The following MCTP1 variants were observed in gnomAD, a reference collection of about 807,000 sequenced individuals.
The protein encoded by MCTP1 is multiple C2 and transmembrane domain containing 1, also known as multiple C2 and transmembrane domain-containing protein 1.
MCTP1 carries 69 observed loss-of-function variants against 120.6 expected under a neutral mutation model. That is an observed-to-expected ratio of 0.57 (90% CI 0.47 to 0.70). The LOEUF is 0.70. Among genes scored for constraint, MCTP1 ranks in the 30% least tolerant of loss-of-function variants. The pLI is 0.00. For missense variants in MCTP1, 1,203 were observed against 1,248.8 expected (o/e 0.96, Z 0.55); for synonymous variants, 529 against 493.1 (o/e 1.07, Z -0.96).
chr5:94,826,396 A>C, intron 17 of MCTP1: 1 of 624,134 alleles, frequency 1.6e-6, no homozygotes, highest in Non-Finnish European at 3.0e-6. Flanking sequence ...CTTTTGGCTC[A>C]CACCATTGAT....
In MCTP1 at chr5:94,794,894, C is replaced by T. The variant is rs546549813; in HGVS notation, c.2556+4119G>A. On this transcript the variant is annotated intron_variant, in intron 18 of 22. Transcript: ENST00000515393. ...TAGTGCTACTGGCTTTTCTGTAATT[C>T]GTGGGAGAAACTTGCTGTAACAGTG... is the stretch of plus-strand genomic sequence containing the variant. Among the ~76,000 whole-genome samples, 47 of 152,174 alleles carry T rather than the reference C, an allele frequency of 3.1e-4. No individual in the cohort carries two copies. The South Asian group carries it at 4.8e-3, about 15-fold the overall frequency.
intron 19 of MCTP1, among the ~76,000 whole-genome samples, chr5:94,733,729 G>T (rs1005284555): frequency 6.6e-6 from 1 of 152,148 alleles, no homozygotes; most frequent in African/African-American, 2.4e-5. Context: ...ACTTTGGGAG[G>T]ACAAGGCAGG....
chr5:95,284,605 CT>C lies in MCTP1; in HGVS notation c.-31del. 1 of 1,324,692 alleles carries C rather than the reference CT, an allele frequency of 7.5e-7. No homozygotes were observed. The highest frequency in any genetic ancestry group is 9.8e-7 in the Non-Finnish European group (1 of 1,025,356). 82.1% of individuals were successfully genotyped at this position (1,324,692 alleles called of 1,614,324 possible). A position where few individuals can be genotyped will look rare whatever the true frequency, so the allele number is the denominator to read the frequency against. ...CACCCCCTGCTCCTCCTCTCCCCTC[CT>C]CCTCCTCCTCCTCCTCCTGCTTCTC... On this transcript the variant is annotated 5_prime_UTR_variant, in exon 1 of 23. Coordinates refer to ENST00000515393, the MANE Select transcript of MCTP1 (RefSeq NM_024717.7). The surrounding 1 kb of genome is among the most constrained non-coding windows in gnomAD (Gnocchi z 5.2).
chr5:95,055,471 T>TA (rs1198355070), intron 1 of MCTP1, among the ~76,000 whole-genome samples: 3 of 152,184 alleles, frequency 2.0e-5, no homozygotes, highest in Non-Finnish European at 4.4e-5. Flanking sequence ...TCTAAGCATT[T>TA]AAAAAATATT....
At chr5:94,903,158 A>G (rs1805954039) in intron 10 of MCTP1, among the ~76,000 whole-genome samples, 1 of 151,948 alleles carries the variant, frequency 6.6e-6, no homozygotes. Flanking sequence ...GTAAAAAAAA[A>G]TAGTAAAATA....
intron 1 of MCTP1, among the ~76,000 whole-genome samples, chr5:95,175,443 T>C (rs955202894): frequency 2.0e-5 from 3 of 152,204 alleles, no homozygotes; most frequent in Non-Finnish European, 4.4e-5. Flanking sequence ...CAAACATTGG[T>C]ACCCTTTCCC....
intron 19 of MCTP1, among the ~76,000 whole-genome samples, chr5:94,756,643 G>A (rs568784330): frequency 2.0e-5 from 3 of 152,070 alleles, no homozygotes; most frequent in African/African-American, 7.2e-5. Flanking sequence ...AATATCAGAG[G>A]GGAGATGACA....
chr5:94,790,264 A>G (rs1778612971), intron 18 of MCTP1, among the ~76,000 whole-genome samples: 3 of 152,208 alleles, frequency 2.0e-5, no homozygotes, highest in Admixed American at 2.0e-4. Context: ...TTTAGTACTT[A>G]CTGGTCCCAG....
At chr5:95,190,500 T>C (rs576732396) in intron 1 of MCTP1, among the ~76,000 whole-genome samples, 1 of 152,242 alleles carries the variant, frequency 6.6e-6, no homozygotes, top group Non-Finnish European at 1.5e-5. Context: ...ATCTATATTC[T>C]AGAGCTATTG....
At chr5:95,073,939 C>T (rs966553136) in intron 1 of MCTP1, among the ~76,000 whole-genome samples, 5 of 152,068 alleles carry the variant, frequency 3.3e-5, no homozygotes, top group African/African-American at 7.2e-5. Context: ...AGTGAAACCC[C>T]GTCTCTACTG....
chr5:95,210,366 G>A (rs1028935861), intron 1 of MCTP1, among the ~76,000 whole-genome samples: 22 of 150,374 alleles, frequency 1.5e-4, no homozygotes, highest in African/African-American at 5.1e-4. Context: ...TCCTGTATTG[G>A]GTGCATATAT....
intron 18 of MCTP1, chr5:94,792,870 T>A (rs185353341): frequency 3.9e-5 from 6 of 152,342 alleles, no homozygotes; most frequent in Non-Finnish European, 8.8e-5. Context: ...AAGGTACAAC[T>A]GGGATAGAGT....
intron 1 of MCTP1, among the ~76,000 whole-genome samples, chr5:95,234,315 C>T (rs1404232770): frequency 1.3e-5 from 2 of 152,180 alleles, no homozygotes; most frequent in Admixed American, 1.3e-4. Flanking sequence ...GGAGATATTT[C>T]TTTATATTCC....
chr5:95,271,675 A>G (rs1759413341), intron 1 of MCTP1, among the ~76,000 whole-genome samples: 1 of 152,026 alleles, frequency 6.6e-6, no homozygotes, highest in Non-Finnish European at 1.5e-5. Context: ...ATACACACTT[A>G]CAGGAGAATG....
intron 2 of MCTP1, among the ~76,000 whole-genome samples, chr5:94,985,342 A>C (rs890471301): frequency 6.6e-6 from 1 of 152,230 alleles, no homozygotes; most frequent in Non-Finnish European, 1.5e-5. Flanking sequence ...AATGATTTGA[A>C]GCCCCAGTCA....
intron 1 of MCTP1, among the ~76,000 whole-genome samples, chr5:95,141,017 G>A (rs1759889447): frequency 1.3e-5 from 2 of 152,068 alleles, no homozygotes; most frequent in Non-Finnish European, 2.9e-5. Context: ...AAGAAACTTG[G>A]TGTATCTATC....
chr5:94,839,322 T>C (rs936816421), intron 17 of MCTP1, among the ~76,000 whole-genome samples: 9 of 152,146 alleles, frequency 5.9e-5, no homozygotes, highest in African/African-American at 2.2e-4. Flanking sequence ...TATGTATACA[T>C]CACATTACTC....
intron 1 of MCTP1, among the ~76,000 whole-genome samples, chr5:95,254,920 G>C (rs1397649030): frequency 1.3e-5 from 2 of 152,136 alleles, no homozygotes. Flanking sequence ...CAACCCATTA[G>C]TGAGTCATGA....
At chr5:94,971,609 T>A (rs1826898742) in intron 2 of MCTP1, among the ~76,000 whole-genome samples, 1 of 152,156 alleles carries the variant, frequency 6.6e-6, no homozygotes, top group Non-Finnish European at 1.5e-5. Context: ...ACCTTTCAAT[T>A]CAGAGTTGTT....
Sources: gnomAD v4.1 joint callset for allele counts (sites outside exome capture counted in the v4.1 genomes callset) on GRCh38, gnomAD v4.1.1 for gene constraint, Gnocchi (gnomAD v3.1) non-coding constraint, MANE v1.5 for transcripts, NCBI Gene and HGNC (gene_info 2026-07-23, HGNC 2026-07-21) for gene names.